RIPOR3: variants seen among roughly 807,000 people sequenced by gnomAD.
The protein encoded by RIPOR3 is RIPOR family member 3.
A neutral mutation model predicts 114.3 loss-of-function variants in RIPOR3; 95 were observed. The ratio of observed to expected loss-of-function variants is 0.83; its 90% confidence interval spans 0.70 to 0.99. RIPOR3 has a LOEUF of 0.99. RIPOR3 is among the 50% of genes least tolerant of loss of function. The probability of loss-of-function intolerance (pLI) is 0.00; values close to 1 mark genes in which losing one functional copy is unlikely to be tolerated. For missense variants in RIPOR3, 1,252 were observed against 1,266.9 expected, an observed-to-expected ratio of 0.99 and a Z score of 0.18; for synonymous variants, 575 against 543.8, an observed-to-expected ratio of 1.06 and a Z score of -0.80.
At chr20:50,652,774 CAA>C (rs1296798422) in intron 1 of RIPOR3, among the ~76,000 whole-genome samples, 2 of 152,136 alleles carry the variant, frequency 1.3e-5, no homozygotes, top group Non-Finnish European at 2.9e-5. Flanking sequence ...GGTCGTCATC[CAA>C]AAGACAGACC....
At chr20:50,621,837 G>A (rs2084418905) in intron 2 of RIPOR3, among the ~76,000 whole-genome samples, 1 of 152,184 alleles carries the variant, frequency 6.6e-6, no homozygotes, top group Non-Finnish European at 1.5e-5. Context: ...TGGGAGTGTG[G>A]ACTGGATGAT....
intron 1 of RIPOR3, among the ~76,000 whole-genome samples, chr20:50,686,876 T>C (rs2087047063): frequency 6.6e-6 from 1 of 152,240 alleles, no homozygotes; most frequent in Admixed American, 6.5e-5. Flanking sequence ...ACCTGGGCCT[T>C]GTCCTTGGCC....
chr20:50,686,818 A>C (rs541893424), intron 1 of RIPOR3, among the ~76,000 whole-genome samples: 2 of 152,094 alleles, frequency 1.3e-5, no homozygotes, highest in African/African-American at 2.4e-5. Context: ...TGCTGTGGGC[A>C]TGGTTCTCCT....
intron 1 of RIPOR3, among the ~76,000 whole-genome samples, chr20:50,644,888 G>A (rs1334980421): frequency 6.7e-6 from 1 of 148,452 alleles, no homozygotes; most frequent in Non-Finnish European, 1.5e-5. Flanking sequence ...CACCCAGACT[G>A]GAGTGCAGGG....
chr20:50,589,170 CTA>C (rs936742949), intron 20 of RIPOR3, among the ~76,000 whole-genome samples: 20 of 147,514 alleles, frequency 1.4e-4, no homozygotes, highest in Non-Finnish European at 2.4e-4. Flanking sequence ...TGTTTTTAAA[CTA>C]TGTTTGGATC....
chr20:50,588,436 T>C lies in RIPOR3; in HGVS notation c.2662-544A>G, dbSNP rs1340550391. 5.9e-5 allele frequency among the ~76,000 whole-genome samples: 9 copies of C among 152,338 alleles called. No individual in the cohort carries two copies. The East Asian group carries it at 1.7e-3, about 29-fold the overall frequency. On this transcript the variant is annotated intron_variant, in intron 20 of 21. Transcript: ENST00000327979. ...GGAGTTCAATCTGTACTGAATTATC[T>C]TTCATCTAGCAATTGTGCAATTCCA...
rs774441526 is a variant in RIPOR3 at position 50,587,005 on chromosome 20, G to C, written c.*227C>G. ...AGAAGTTGAGCGCTCTGTTGAGGCC[G>C]TGCAGCCCCTGGAATGCTGTACCTT... On this transcript the variant is annotated 3_prime_UTR_variant, in exon 22 of 22. Coordinates refer to ENST00000327979, the MANE Select transcript of RIPOR3 (RefSeq NM_001290268.2). The C allele has an allele frequency of 5.7e-6, 3 of 526,584 alleles. No individual in the cohort carries two copies. Among genetic ancestry groups the C allele is most frequent in the Admixed American group, 3.2e-5 (1 of 31,722 alleles). 32.6% of individuals were successfully genotyped at this position (526,584 alleles called of 1,614,324 possible). A position where few individuals can be genotyped will look rare whatever the true frequency, so the allele number is the denominator to read the frequency against.
chr20:50,590,225 C>T (rs925295413), intron 19 of RIPOR3, among the ~76,000 whole-genome samples: 14 of 152,238 alleles, frequency 9.2e-5, no homozygotes, highest in South Asian at 2.1e-4. Flanking sequence ...GGTGACCCTG[C>T]CCTCTTCGGT....
At chr20:50,597,809 G>T in intron 13 of RIPOR3, 99 bp from the exon 14 acceptor site, 3 of 1,483,510 alleles carry the variant, frequency 2.0e-6, no homozygotes, top group African/African-American at 1.4e-5. Context: ...GCAATGTCCC[G>T]GTCCCAAGCC....
In RIPOR3 at chr20:50,586,756, T is replaced by C. The variant is rs555455512; in HGVS notation, c.*476A>G. On this transcript the variant is annotated 3_prime_UTR_variant, in exon 22 of 22. Coordinates refer to ENST00000327979, the MANE Select transcript of RIPOR3 (RefSeq NM_001290268.2). ...GCTGCTGCTGAAATGGCCTGAGCAGTCTTGCATTAGCAGGGCCAGCCACCT... is the reference window on the plus strand; with the variant it reads ...GCTGCTGCTGAAATGGCCTGAGCAGCCTTGCATTAGCAGGGCCAGCCACCT... The C allele has an allele frequency of 3.7e-5, 6 of 162,220 alleles. No homozygotes were observed. The highest frequency in any genetic ancestry group is 2.3e-4 in the Admixed American group (4 of 17,378). The allele number at this position is 162,220 out of a possible 1,614,324, so 10.0% of individuals were successfully genotyped here. A position where few individuals can be genotyped will look rare whatever the true frequency, so the allele number is the denominator to read the frequency against.
chr20:50,651,489 T>G (rs942982386), intron 1 of RIPOR3, among the ~76,000 whole-genome samples: 3 of 152,136 alleles, frequency 2.0e-5, no homozygotes, highest in Non-Finnish European at 4.4e-5. Context: ...ACATACTCTG[T>G]CAAGGAAGCC....
intron 1 of RIPOR3, among the ~76,000 whole-genome samples, chr20:50,663,979 T>A (rs1283942021): frequency 1.4e-5 from 2 of 147,892 alleles, no homozygotes; most frequent in Non-Finnish European, 3.0e-5. Context: ...CAGGCTGGAG[T>A]GCAATGGCGT....
At chr20:50,605,936 G>A (rs991760965) in intron 11 of RIPOR3, among the ~76,000 whole-genome samples, 12 of 152,206 alleles carry the variant, frequency 7.9e-5, no homozygotes, top group African/African-American at 2.9e-4. Flanking sequence ...GGGCGTGGTG[G>A]CTCATGCCTG....
intron 1 of RIPOR3, among the ~76,000 whole-genome samples, chr20:50,679,816 G>C (rs2086803524): frequency 6.6e-6 from 1 of 151,746 alleles, no homozygotes. Context: ...AATTAGCCAG[G>C]CATGGCGGCA....
chr20:50,610,474 A>G (rs372094192), intron 6 of RIPOR3, among the ~76,000 whole-genome samples: 62 of 152,332 alleles, frequency 4.1e-4, no homozygotes, highest in East Asian at 2.3e-3. Context: ...CAGATCTGCT[A>G]TGCGACCTTG....
intron 1 of RIPOR3, among the ~76,000 whole-genome samples, chr20:50,655,715 C>T (rs1400592716): frequency 6.7e-6 from 1 of 149,472 alleles, no homozygotes; most frequent in Admixed American, 6.6e-5. Context: ...CCACAGCACA[C>T]CCTCCCATTA....
chr20:50,600,889 T>A (rs745448890), intron 13 of RIPOR3, among the ~76,000 whole-genome samples: 5 of 152,272 alleles, frequency 3.3e-5, no homozygotes, highest in Non-Finnish European at 7.3e-5. Context: ...AAGTTATGGA[T>A]GTAAAATGAG....
At chr20:50,608,320 C>A in intron 11 of RIPOR3, 69 bp downstream of exon 11, 1 of 1,599,694 alleles carries the variant, frequency 6.3e-7, no homozygotes, top group Non-Finnish European at 8.5e-7. Flanking sequence ...AACCCAGGGC[C>A]AGAGTGTGGC....
chr20:50,591,671 G>A (rs1057197993), intron 19 of RIPOR3, among the ~76,000 whole-genome samples: 4 of 152,156 alleles, frequency 2.6e-5, no homozygotes, highest in African/African-American at 9.7e-5. Flanking sequence ...CGCCTTAAAC[G>A]TACAGTAGTT....
Sources: gnomAD v4.1 joint callset for allele counts (sites outside exome capture counted in the v4.1 genomes callset) on GRCh38, gnomAD v4.1.1 for gene constraint, MANE v1.5 for transcripts, NCBI Gene and HGNC (gene_info 2026-07-23, HGNC 2026-07-21) for gene names.